CCNL1: variants seen among roughly 807,000 people sequenced by gnomAD.
The protein encoded by CCNL1 is cyclin L1, also known as cyclin-L1.
CCNL1 carries 13 observed loss-of-function variants against 60.6 expected under a neutral mutation model. The observed-to-expected ratio is 0.21, with a 90% CI of 0.14 to 0.34. The LOEUF is 0.34. CCNL1 is among the 10% of genes least tolerant of loss of function. CCNL1 has a pLI of 1.00. For missense variants in CCNL1, 481 were observed against 664.3 expected (o/e 0.72, Z 3.03); for synonymous variants, 270 against 244.3 (o/e 1.10, Z -0.98).
chr3:157,154,847 T>G (rs1421848351), intron 3 of CCNL1, among the ~76,000 whole-genome samples: 1 of 152,140 alleles, frequency 6.6e-6, no homozygotes, highest in East Asian at 1.9e-4. Flanking sequence ...GAATCCATTT[T>G]ATCAGGACAG....
chr3:157,159,079 A>T (rs1738848620), intron 2 of CCNL1, 104 bp from the exon 3 acceptor site: 13 of 746,236 alleles, frequency 1.7e-5, no homozygotes, highest in Admixed American at 4.9e-5. Flanking sequence ...ATTAGAGAAG[A>T]CATCTCTATG....
At chr3:157,150,567 G>A in intron 5 of CCNL1, 186 bp from the exon 6 acceptor site, 1 of 1,324,522 alleles carries the variant, frequency 7.5e-7, no homozygotes. Flanking sequence ...TTAATACTAG[G>A]ACCATATGCG....
At position 157,158,943 on chromosome 3, in the gene CCNL1, T is replaced by C. The variant is rs757503281; in HGVS notation, c.411A>G (p.Ser137=). The C allele has an allele frequency of 1.9e-6, 3 of 1,613,430 alleles. No homozygotes were observed. The highest frequency in any genetic ancestry group is 1.7e-6 in the Non-Finnish European group (2 of 1,179,666). ...IVAMACINLA[S]KIEEAPRRIR... ...TTCTTCTAGGTGCTTCTTCGATTTT[T>C]GATGCAAGATTAATACAAGCCATAG... Residue 137 remains serine, a synonymous_variant, in exon 3 of 11, where the codon TCA becomes TCG. Coordinates refer to ENST00000295926, the MANE Select transcript of CCNL1 (RefSeq NM_020307.4).
chr3:157,150,966 TAGGTA>T, intron 5 of CCNL1: 1 of 984,936 alleles, frequency 1.0e-6, no homozygotes, highest in Non-Finnish European at 1.2e-6. Context: ...TTTTTGTGAC[TAGGTA>T]AAAGAGATAA....
intron 3 of CCNL1, among the ~76,000 whole-genome samples, chr3:157,155,193 A>G (rs1041566945): frequency 5.9e-5 from 9 of 152,210 alleles, no homozygotes; most frequent in African/African-American, 2.2e-4. Context: ...CGGTATCATC[A>G]AAATCCCTAG....
chr3:157,154,560 T>C (rs1252067933), intron 3 of CCNL1: 1 of 152,206 alleles, frequency 6.6e-6, no homozygotes, highest in African/African-American at 2.4e-5. Context: ...TTTCAATACA[T>C]GCACCGAAGG....
chr3:157,159,181 T>G (rs767918776), intron 2 of CCNL1: 19 of 630,030 alleles, frequency 3.0e-5, no homozygotes, highest in Non-Finnish European at 5.3e-5. Context: ...CTTACAGGAG[T>G]TCTGCATTTG....
rs1560195574 is a variant in CCNL1 at position 157,149,564 on chromosome 3, A to G, written c.1054T>C (p.Ser352Pro). 6.2e-7 allele frequency: 1 copy of G among 1,613,856 alleles called. No homozygotes were observed. Among genetic ancestry groups the G allele is most frequent in the South Asian group, 1.1e-5 (1 of 91,046 alleles). ...GTCTTCACATTAATGGAGATTGGTG[A>G]TTTCTCTTCAGCTTTTACTTCTCTT... ...SPREVKAEEK[S>P]PISINVKTVK... The change falls in exon 9 of 11, where the codon TCA (serine) becomes CCA (proline). Residue 352 changes from serine (S) to proline (P), a missense_variant. Ser to Pro is a moderately conservative substitution (Grantham distance 74). This residue lies in a region of CCNL1 where 197 missense variants were observed against 233.9 expected (regional missense o/e 0.84). Coordinates refer to ENST00000295926, the MANE Select transcript of CCNL1 (RefSeq NM_020307.4).
intron 3 of CCNL1, chr3:157,157,175 C>T: frequency 9.1e-7 from 1 of 1,098,322 alleles, no homozygotes; most frequent in Non-Finnish European, 1.2e-6. Context: ...CATAGAAACA[C>T]TTTTACATCC....
intron 5 of CCNL1, 116 bp from the exon 6 acceptor site, chr3:157,150,497 A>T (rs1360566828): frequency 1.4e-6 from 2 of 1,453,290 alleles, no homozygotes; most frequent in Non-Finnish European, 9.1e-7. Context: ...TTATATTCAC[A>T]TCCTCATATT....
downstream of CCNL1, chr3:157,147,450 T>C: frequency 6.1e-6 from 2 of 329,346 alleles, no homozygotes; most frequent in Non-Finnish European, 8.7e-6. Flanking sequence ...TAAAGCTCAA[T>C]AGTTACTAAG....
rs754627943 is a variant in CCNL1, at chr3:157,159,978, C to T, written c.117G>A (p.Gly39=). The T allele has an allele frequency of 1.9e-6, 3 of 1,589,762 alleles. No homozygotes were observed. Among genetic ancestry groups the T allele is most frequent in the Non-Finnish European group, 2.6e-6 (3 of 1,168,352 alleles). ...TTTTTTTTTG[G]ILIGDRLYSE... ...AGTACAGGCGATCGCCGATCAGGATCCCTCCCGTCGTGGTCGTCGTCGTGG... is the reference window on the plus strand; with the variant it reads ...AGTACAGGCGATCGCCGATCAGGATTCCTCCCGTCGTGGTCGTCGTCGTGG... The change falls in exon 1 of 11, where the codon GGG becomes GGA. Residue 39 remains glycine, a synonymous_variant. Transcript: ENST00000295926.
At chr3:157,146,512 A>C (rs1316018565), downstream of CCNL1, 1 of 450,254 alleles carries the variant, frequency 2.2e-6, no homozygotes, top group Non-Finnish European at 4.4e-6. Flanking sequence ...TAATTTCAAC[A>C]CTATTAAGAA....
At chr3:157,159,228 G>A (rs932847057) in intron 2 of CCNL1, 177 bp downstream of exon 2, 1 of 659,142 alleles carries the variant, frequency 1.5e-6, no homozygotes, top group African/African-American at 1.8e-5. Context: ...GGGCACTTAG[G>A]CTCGTGATCG....
chr3:157,151,483 T>C, intron 5 of CCNL1: 2 of 985,868 alleles, frequency 2.0e-6, no homozygotes, highest in Non-Finnish European at 2.4e-6. Flanking sequence ...CTAATATTAT[T>C]ACCCGCAATA....
downstream of CCNL1, among the ~76,000 whole-genome samples, chr3:157,143,847 G>A (rs1258364925): frequency 2.6e-5 from 4 of 152,288 alleles, no homozygotes; most frequent in East Asian, 7.7e-4. Context: ...GAAAAAGCGA[G>A]GTTGATGGGA....
In CCNL1 at chr3:157,149,891, C is replaced by T. The variant is rs369256862; in HGVS notation, c.966G>A (p.Pro322=). ...EAKLKAKGLN[P]DGTPALSTLG... ...GGGTTGAAAGGGCTGGAGTTCCATC[C>T]GGATTCAATCCCTTTGCTTTTAATT... The change falls in exon 8 of 11, where the codon CCG becomes CCA. Residue 322 remains proline (P), a synonymous_variant. Coordinates refer to ENST00000295926, the MANE Select transcript of CCNL1 (RefSeq NM_020307.4). 1.8e-5 allele frequency: 29 copies of T among 1,613,964 alleles called. No individual in the cohort carries two copies. Among genetic ancestry groups the T allele is most frequent in the Admixed American group, 1.3e-4 (8 of 59,998 alleles).
At chr3:157,155,853 T>G (rs1448143026) in intron 3 of CCNL1, among the ~76,000 whole-genome samples, 2 of 152,196 alleles carry the variant, frequency 1.3e-5, no homozygotes, top group Middle Eastern at 3.2e-3. Context: ...AAAAGAAGTC[T>G]TCATCTATTC....
rs768037846 is a variant in CCNL1, at chr3:157,149,355, A to G, written c.1164T>C (p.Asn388=). ...ACCTCGATCGACTTGCACTTCTGCTATTTCTACTTCTCTTGCTGTCTTTTC... is the reference window on the plus strand; with the variant it reads ...ACCTCGATCGACTTGCACTTCTGCTGTTTCTACTTCTCTTGCTGTCTTTTC... ...GVRKDSKRSR[N]SRSASRSRSR... is the part of the protein sequence containing the mutation. Residue 388 remains asparagine, a synonymous_variant, in exon 10 of 11, where the codon AAT becomes AAC. Coordinates refer to ENST00000295926, the MANE Select transcript of CCNL1 (RefSeq NM_020307.4). The G allele has an allele frequency of 1.9e-6, 3 of 1,614,054 alleles. No individual in the cohort carries two copies. The highest frequency in any genetic ancestry group is 2.5e-6 in the Non-Finnish European group (3 of 1,179,930).
Sources: gnomAD v4.1 joint callset for allele counts (sites outside exome capture counted in the v4.1 genomes callset) on GRCh38, gnomAD v4.1.1 for gene constraint, gnomAD v4.1.1 regional missense constraint, MANE v1.5 for transcripts, NCBI Gene and HGNC (gene_info 2026-07-23, HGNC 2026-07-21) for gene names.